DIP2C: variants seen among roughly 807,000 people sequenced by gnomAD.
The protein encoded by DIP2C is disco-interacting protein 2 homolog C.
DIP2C carries 33 observed loss-of-function variants against 192.4 expected under a neutral mutation model. The ratio of observed to expected loss-of-function variants is 0.17; its 90% CI spans 0.13 to 0.23. The LOEUF is 0.23. DIP2C is among the 10% of genes least tolerant of loss of function. DIP2C has a pLI of 1.00. For missense variants in DIP2C, 1,537 were observed against 2,110.1 expected (o/e 0.73, Z 5.32); for synonymous variants, 979 against 864.1 (o/e 1.13, Z -2.33).
Position 422,999 on chromosome 10 carries a change from C to A in DIP2C, c.429G>T (p.Val143=). The change falls in exon 5 of 37, where the codon GTG becomes GTT. Residue 143 remains valine, a synonymous_variant. Coordinates refer to ENST00000280886, the MANE Select transcript of DIP2C (RefSeq NM_014974.3). The part of the protein sequence containing the change: ...TSSGSEDEGS[V]QGDSQGTPTS... ...TGGGGGTGCCCTGGGAGTCCCCCTG[C>A]ACTGAGCCTTCATCTTCTGAGCCAG... The A allele has an allele frequency of 6.2e-7, 1 of 1,613,270 alleles. No individual in the cohort carries two copies. Among genetic ancestry groups the A allele is most frequent in the Non-Finnish European group, 8.5e-7 (1 of 1,179,490 alleles).
intron 15 of DIP2C, 33 bp downstream of exon 15, chr10:384,513 C>T: frequency 6.2e-7 from 1 of 1,604,620 alleles, no homozygotes; most frequent in Non-Finnish European, 8.5e-7. Flanking sequence ...GCTGGGATTA[C>T]AGGTGTGAGC....
chr10:599,515 C>A (rs1387155629), intron 1 of DIP2C, among the ~76,000 whole-genome samples: 3 of 152,186 alleles, frequency 2.0e-5, no homozygotes, highest in African/African-American at 7.2e-5. Flanking sequence ...AAGGAAGCAG[C>A]AGTGGTCATC....
At chr10:491,094 G>C (rs758721668) in intron 1 of DIP2C, among the ~76,000 whole-genome samples, 2 of 152,202 alleles carry the variant, frequency 1.3e-5, no homozygotes, top group Non-Finnish European at 2.9e-5. Flanking sequence ...GCTTCCTCTC[G>C]GCCTCAGGCA....
intron 32 of DIP2C, among the ~76,000 whole-genome samples, chr10:300,830 A>G (rs55842136): frequency 7.3e-4 from 83 of 113,076 alleles, no homozygotes; most frequent in South Asian, 3.5e-3. Flanking sequence ...GTGTGGAGAA[A>G]CCGGATCCAG....
chr10:545,991 A>G (rs1251323988), intron 1 of DIP2C, among the ~76,000 whole-genome samples: 1 of 152,202 alleles, frequency 6.6e-6, no homozygotes, highest in Non-Finnish European at 1.5e-5. Context: ...AAGCTTTCTC[A>G]TGAGGCCGGG....
chr10:556,050 C>G (rs1374406043), intron 1 of DIP2C, among the ~76,000 whole-genome samples: 1 of 151,832 alleles, frequency 6.6e-6, no homozygotes, highest in Non-Finnish European at 1.5e-5. Context: ...CAGCACCCAC[C>G]TCTCCCACAA....
chr10:473,794 A>C (rs1388164791), intron 2 of DIP2C, among the ~76,000 whole-genome samples: 1 of 152,276 alleles, frequency 6.6e-6, no homozygotes, highest in Admixed American at 6.5e-5. Context: ...TTAAGTTAAC[A>C]AAAGAAATAT....
intron 1 of DIP2C, among the ~76,000 whole-genome samples, chr10:618,484 G>C (rs1312545598): frequency 1.2e-4 from 18 of 152,216 alleles, no homozygotes; most frequent in Admixed American, 1.1e-3. Flanking sequence ...ACTGCAGACA[G>C]AGCTCAAGGC....
At chr10:686,780 C>T (rs1195529845) in intron 1 of DIP2C, among the ~76,000 whole-genome samples, 1 of 152,278 alleles carries the variant, frequency 6.6e-6, no homozygotes, top group Non-Finnish European at 1.5e-5. Flanking sequence ...GCAGGAAGTG[C>T]CCCTGCAGCC....
At chr10:685,704 G>A (rs1310087035) in intron 1 of DIP2C, among the ~76,000 whole-genome samples, 1 of 152,148 alleles carries the variant, frequency 6.6e-6, no homozygotes, top group Non-Finnish European at 1.5e-5. Flanking sequence ...GCTCATGCCT[G>A]TAATCCCAGC....
At chr10:405,264 C>T (rs1964719513) in intron 9 of DIP2C, among the ~76,000 whole-genome samples, 3 of 152,202 alleles carry the variant, frequency 2.0e-5, no homozygotes, top group African/African-American at 7.2e-5. Flanking sequence ...CTCCTGTTGC[C>T]TCTGCTCAAA....
chr10:415,694 T>A, intron 7 of DIP2C, 75 bp downstream of exon 7: 1 of 1,573,546 alleles, frequency 6.4e-7, no homozygotes, highest in Non-Finnish European at 8.7e-7. Flanking sequence ...TAAAATAGCC[T>A]TGCAGAAAAA....
At chr10:507,738 T>C (rs901204753) in intron 1 of DIP2C, among the ~76,000 whole-genome samples, 11 of 152,146 alleles carry the variant, frequency 7.2e-5, no homozygotes, top group East Asian at 5.8e-4. Context: ...GTACTGACGA[T>C]TGAAGATCGA....
At position 531,716 on chromosome 10, in the gene DIP2C, G is replaced by A. The variant is rs58402302; in HGVS notation, c.86-45186C>T. Among the ~76,000 whole-genome samples the A allele has an allele frequency of 3.1e-3, 468 of 152,182 alleles. 2 individuals are homozygous for A. Among genetic ancestry groups the A allele is most frequent in the African/African-American group, 0.011 (446 of 41,516 alleles). Reference sequence around the variant, plus strand: ...GGGGTGTGGGGAAATCAGGATGCAAGCAGATATCATACGCTCTGCCGCGGG... The same window carrying A: ...GGGGTGTGGGGAAATCAGGATGCAAACAGATATCATACGCTCTGCCGCGGG... On this transcript the variant is annotated intron_variant, in intron 1 of 36. Coordinates refer to ENST00000280886, the MANE Select transcript of DIP2C (RefSeq NM_014974.3).
chr10:566,395 C>T (rs546271253), intron 1 of DIP2C, among the ~76,000 whole-genome samples: 5 of 152,312 alleles, frequency 3.3e-5, no homozygotes, highest in African/African-American at 1.2e-4. Flanking sequence ...GTGCATGAGC[C>T]GCTGACCCAC....
At chr10:431,314 C>G (rs1199785507) in intron 4 of DIP2C, among the ~76,000 whole-genome samples, 1 of 152,182 alleles carries the variant, frequency 6.6e-6, no homozygotes, top group Non-Finnish European at 1.5e-5. Flanking sequence ...GTTTTCCTAT[C>G]CATGAACGTG....
chr10:492,657 A>G (rs1057437900), intron 1 of DIP2C, among the ~76,000 whole-genome samples: 1 of 152,216 alleles, frequency 6.6e-6, no homozygotes, highest in South Asian at 2.1e-4. Flanking sequence ...AGCAGGAAAG[A>G]AACACATTTT....
intron 1 of DIP2C, among the ~76,000 whole-genome samples, chr10:496,041 A>G (rs993348097): frequency 6.7e-6 from 1 of 148,192 alleles, no homozygotes; most frequent in African/African-American, 2.5e-5. Flanking sequence ...TTACATCTCT[A>G]CATTACTCTT....
rs1055579476 is a variant in DIP2C at position 364,529 on chromosome 10, C to T, written c.2322G>A (p.Arg774=). The T allele has an allele frequency of 1.2e-6, 2 of 1,614,160 alleles. No homozygotes were observed. Among genetic ancestry groups the T allele is most frequent in the Non-Finnish European group, 8.5e-7 (1 of 1,180,034 alleles). Residue 774 remains arginine, a synonymous_variant, in exon 20 of 37, where the codon AGG becomes AGA. Transcript: ENST00000280886. ...GACCCACGAACCCCAGCAAGCCTGT[C>T]CTTATGAATGGGTATTCACTGATCG... ...GAPISEYPFI[R]TGLLGFVGPG...
Sources: gnomAD v4.1 joint callset for allele counts (sites outside exome capture counted in the v4.1 genomes callset) on GRCh38, gnomAD v4.1.1 for gene constraint, MANE v1.5 for transcripts, NCBI Gene and HGNC (gene_info 2026-07-23, HGNC 2026-07-21) for gene names.